RMND5A: variants seen among roughly 807,000 people sequenced by gnomAD.
RMND5A encodes the protein E3 ubiquitin-protein transferase RMND5A.
In RMND5A, 17 loss-of-function variants were observed where a neutral mutation model predicts 49.7. The observed-to-expected ratio is 0.34, with a 90% CI of 0.23 to 0.51. The LOEUF (loss-of-function observed/expected upper bound fraction) is 0.51, where lower values mean the gene tolerates loss of function less well. Among genes scored for constraint, RMND5A ranks in the 20% least tolerant of loss-of-function variants. The pLI, the probability that RMND5A is intolerant of heterozygous loss-of-function variation, is 0.96. For synonymous variants in RMND5A, 156 were observed against 167.7 expected (o/e 0.93, Z 0.54); for missense variants, 255 against 471.3 (o/e 0.54, Z 4.25).
intron 2 of RMND5A, among the ~76,000 whole-genome samples, chr2:86,746,074 A>G (rs1681533713): frequency 6.6e-6 from 1 of 152,234 alleles, no homozygotes; most frequent in Admixed American, 6.5e-5. Flanking sequence ...GAGTAATGGT[A>G]TAAAAAAATG....
At chr2:86,746,011 G>T (rs1230571945) in intron 2 of RMND5A, among the ~76,000 whole-genome samples, 2 of 152,180 alleles carry the variant, frequency 1.3e-5, no homozygotes. Flanking sequence ...TTGCCACTGG[G>T]TGGAGTATCT....
In RMND5A at chr2:86,743,543, C is replaced by CA. The variant is rs1681486644; in HGVS notation, c.285+2477dup. Among the ~76,000 whole-genome samples the CA allele has an allele frequency of 6.6e-5, 10 of 152,122 alleles. No individual in the cohort carries two copies. In the South Asian group the frequency reaches 1.9e-3, roughly 28 times the overall value. On this transcript the variant is annotated intron_variant, in intron 2 of 8. Transcript: ENST00000283632. ...GCAGTGGCACCATCTCAGCTCACTGCAAACTCTGCCTCCCAGGTTCAAGCG... is the reference window on the plus strand; with the variant it reads ...GCAGTGGCACCATCTCAGCTCACTGCAAAACTCTGCCTCCCAGGTTCAAGCG...
chr2:86,760,329 C>G (rs576851311), intron 4 of RMND5A, among the ~76,000 whole-genome samples: 6 of 152,238 alleles, frequency 3.9e-5, no homozygotes, highest in Non-Finnish European at 8.8e-5. Context: ...CAGGCCTAAG[C>G]CACTGCACCC....
chr2:86,769,013 G>A (rs770864218), intron 6 of RMND5A, among the ~76,000 whole-genome samples: 7 of 152,110 alleles, frequency 4.6e-5, no homozygotes, highest in Non-Finnish European at 7.4e-5. Context: ...TGGCACGATC[G>A]TGGCTCACTG....
rs1681640801 is a variant in RMND5A at position 86,751,918 on chromosome 2, G to A, written c.308G>A (p.Ser103Asn). The A allele has an allele frequency of 2.5e-6, 4 of 1,613,528 alleles. No individual in the cohort carries two copies. Among genetic ancestry groups the A allele is most frequent in the African/African-American group, 2.7e-5 (2 of 74,900 alleles). The change falls in exon 3 of 9, where the codon AGT (serine) becomes AAT (asparagine). Residue 103 changes from serine to asparagine, a missense_variant. Ser to Asn is a conservative substitution (Grantham distance 46, BLOSUM62 1). Transcript: ENST00000283632. The stretch of plus-strand genomic sequence containing the variant: ...CAGAATTTTGATTCTGACATTAGCA[G>A]TGTGGGAATAGATGGCTGCTGGCAG... ...IDKNFDSDIS[S>N]VGIDGCWQAD...
intron 6 of RMND5A, among the ~76,000 whole-genome samples, chr2:86,768,293 A>G (rs1025257652): frequency 1.3e-5 from 2 of 152,204 alleles, no homozygotes; most frequent in Admixed American, 6.5e-5. Context: ...ATTTAATTCC[A>G]CAAATGTTTT....
At chr2:86,760,161 C>T (rs964360253) in intron 4 of RMND5A, among the ~76,000 whole-genome samples, 2 of 152,142 alleles carry the variant, frequency 1.3e-5, no homozygotes, top group African/African-American at 4.8e-5. Context: ...TCTCCTGCCT[C>T]AGCCTCCTGA....
chr2:86,756,620 TACTG>T (rs1681745325), intron 4 of RMND5A, among the ~76,000 whole-genome samples: 1 of 152,218 alleles, frequency 6.6e-6, no homozygotes, highest in African/African-American at 2.4e-5. Context: ...GCAGAGCAGA[TACTG>T]ACTAAGCATC....
intron 4 of RMND5A, among the ~76,000 whole-genome samples, chr2:86,761,984 T>C (rs1220344094): frequency 1.3e-5 from 2 of 152,206 alleles, no homozygotes; most frequent in South Asian, 2.1e-4. Flanking sequence ...AATTGATAAT[T>C]CATAACTTTC....
intron 4 of RMND5A, among the ~76,000 whole-genome samples, chr2:86,754,223 C>T (rs1488667803): frequency 2.6e-5 from 4 of 152,316 alleles, no homozygotes; most frequent in Non-Finnish European, 4.4e-5. Context: ...AATTTAAAAA[C>T]CCATTCTTGG....
chr2:86,771,223 G>T (rs935108702), intron 7 of RMND5A: 12 of 192,988 alleles, frequency 6.2e-5, no homozygotes, highest in Non-Finnish European at 1.2e-4. Context: ...CATTTATGTT[G>T]TAAGCATCTC....
chr2:86,720,954 G>C, intron 1 of RMND5A, 145 bp downstream of exon 1: 1 of 645,218 alleles, frequency 1.5e-6, no homozygotes, highest in Non-Finnish European at 2.4e-6. Flanking sequence ...AGACCCCTGA[G>C]ACTTTTTCCC....
chr2:86,763,793 C>T (rs903100452), intron 4 of RMND5A, among the ~76,000 whole-genome samples: 2 of 151,710 alleles, frequency 1.3e-5, no homozygotes, highest in South Asian at 2.1e-4. Context: ...AAAAAAAGTA[C>T]ATTATTGTCA....
At chr2:86,735,043 T>C (rs1279252558) in intron 1 of RMND5A, among the ~76,000 whole-genome samples, 1 of 148,606 alleles carries the variant, frequency 6.7e-6, no homozygotes, top group African/African-American at 2.6e-5. Context: ...CTTAATGTAA[T>C]ATTTTCAAGG....
intron 8 of RMND5A, among the ~76,000 whole-genome samples, chr2:86,772,740 G>A (rs542625619): frequency 6.6e-6 from 1 of 151,928 alleles, no homozygotes; most frequent in Admixed American, 6.6e-5. Context: ...AATTACAGAC[G>A]CACACCACCA....
chr2:86,760,040 C>T (rs1672416474), intron 4 of RMND5A, among the ~76,000 whole-genome samples: 1 of 151,874 alleles, frequency 6.6e-6, no homozygotes, highest in South Asian at 2.1e-4. Context: ...CCTTTCTCTC[C>T]TGTTTGTATT....
chr2:86,767,811 G>T (rs914241853), intron 6 of RMND5A, among the ~76,000 whole-genome samples: 1 of 152,172 alleles, frequency 6.6e-6, no homozygotes, highest in East Asian at 1.9e-4. Flanking sequence ...GTCAGTTTTC[G>T]TGTGGTATTA....
intron 6 of RMND5A, among the ~76,000 whole-genome samples, chr2:86,768,435 G>A (rs1342636306): frequency 6.6e-6 from 1 of 152,198 alleles, no homozygotes; most frequent in Non-Finnish European, 1.5e-5. Context: ...AGGCGCTGAT[G>A]CCATCAAGTT....
intron 4 of RMND5A, among the ~76,000 whole-genome samples, chr2:86,760,713 C>T (rs1672465212): frequency 6.6e-6 from 1 of 151,772 alleles, no homozygotes; most frequent in Non-Finnish European, 1.5e-5. Flanking sequence ...ACGGACTTGG[C>T]AACAAGAAAA....
Sources: allele counts gnomAD v4.1 joint callset (sites outside exome capture counted in the v4.1 genomes callset), GRCh38; gene constraint gnomAD v4.1.1; transcripts MANE v1.5; gene names NCBI Gene and HGNC (gene_info 2026-07-23, HGNC 2026-07-21).